Variants in ITGAE observed in about 807,000 individuals in gnomAD.
The protein encoded by ITGAE is integrin subunit alpha E.
ITGAE carries 99 observed loss-of-function variants against 136.5 expected under a neutral mutation model. The ratio of observed to expected loss-of-function variants is 0.73; its 90% CI spans 0.62 to 0.86. ITGAE has a LOEUF of 0.86. Ranked by LOEUF, ITGAE falls within the 40% of genes least tolerant of loss-of-function variation. The pLI is 0.00. For synonymous variants in ITGAE, 613 were observed against 591.8 expected (o/e 1.04, Z -0.52); for missense variants, 1,447 against 1,515.3 (o/e 0.95, Z 0.75).
intron 30 of ITGAE, among the ~76,000 whole-genome samples, chr17:3,715,301 C>T (rs1328898650): frequency 6.6e-6 from 1 of 152,186 alleles, no homozygotes; most frequent in African/African-American, 2.4e-5. Flanking sequence ...AGATCAAGTA[C>T]AGCTTCCTAC....
At chr17:3,745,434 T>G (rs1298939170) in intron 18 of ITGAE, among the ~76,000 whole-genome samples, 2 of 152,118 alleles carry the variant, frequency 1.3e-5, no homozygotes, top group African/African-American at 4.8e-5. Flanking sequence ...CTCCCTCCCC[T>G]GGATTCCAGC....
At chr17:3,761,793 G>A (rs1191012624) in intron 4 of ITGAE, 122 bp downstream of exon 4, 2 of 873,520 alleles carry the variant, frequency 2.3e-6, no homozygotes, top group Non-Finnish European at 3.6e-6. Flanking sequence ...TGGCACCAGG[G>A]AGACGCTAGA....
chr17:3,780,733 C>T (rs1370449912), intron 1 of ITGAE, among the ~76,000 whole-genome samples: 1 of 152,024 alleles, frequency 6.6e-6, no homozygotes, highest in Non-Finnish European at 1.5e-5. Context: ...CAAGATCTCA[C>T]TCTGTTGCCC....
chr17:3,740,469 C>A (rs2976236), intron 19 of ITGAE, among the ~76,000 whole-genome samples: 33,008 of 152,072 alleles, frequency 0.22, 5,991 homozygotes, highest in African/African-American at 0.48. Flanking sequence ...CTCTGCCTCC[C>A]GGATTCAAGC....
At chr17:3,796,845 C>T (rs959197332) in intron 1 of ITGAE, among the ~76,000 whole-genome samples, 2 of 152,072 alleles carry the variant, frequency 1.3e-5, no homozygotes, top group African/African-American at 2.4e-5. Context: ...TTTAGGAAAC[C>T]GAGGCCCATG....
intron 28 of ITGAE, chr17:3,721,914 T>A (rs1365091445): frequency 1.3e-5 from 2 of 151,884 alleles, no homozygotes; most frequent in Admixed American, 1.3e-4. Flanking sequence ...GCGTGGTGGC[T>A]CACGCCTGTA....
intron 21 of ITGAE, among the ~76,000 whole-genome samples, chr17:3,732,955 C>G (rs1481010858): frequency 6.6e-6 from 1 of 152,116 alleles, no homozygotes; most frequent in Non-Finnish European, 1.5e-5. Flanking sequence ...CCTAGTTCCC[C>G]TCTAGATGCC....
intron 1 of ITGAE, among the ~76,000 whole-genome samples, chr17:3,782,003 C>T (rs1232258182): frequency 2.6e-5 from 4 of 151,946 alleles, no homozygotes; most frequent in Admixed American, 1.3e-4. Context: ...GGGCCGGGTG[C>T]GGTGGCTCAT....
chr17:3,768,425 A>G (rs2052348389), intron 2 of ITGAE, among the ~76,000 whole-genome samples: 1 of 152,130 alleles, frequency 6.6e-6, no homozygotes, highest in Non-Finnish European at 1.5e-5. Context: ...AGTGAGTTTC[A>G]GGCATGAGCC....
At chr17:3,744,880 A>T (rs1360631982) in intron 18 of ITGAE, among the ~76,000 whole-genome samples, 1 of 152,226 alleles carries the variant, frequency 6.6e-6, no homozygotes, top group East Asian at 1.9e-4. Flanking sequence ...AAGAGCCTCA[A>T]GCCCATGGGA....
In ITGAE at chr17:3,750,399, G is replaced by C; in HGVS notation, c.1977C>G (p.Gly659=). ...MAGGFDISGD[G]LADITVGTLG... Reference sequence around the variant, plus strand: ...GAGTGCCCACGGTGATGTCGGCAAGGCCGTCGCCACTAATATCAAAGCCAC... The same window carrying C: ...GAGTGCCCACGGTGATGTCGGCAAGCCCGTCGCCACTAATATCAAAGCCAC... Residue 659 remains glycine (G), a synonymous_variant, in exon 16 of 31, where the codon GGC becomes GGG. Transcript: ENST00000263087. 1 of 1,614,190 alleles carries C rather than the reference G, an allele frequency of 6.2e-7. No homozygotes were observed. The highest frequency in any genetic ancestry group is 2.2e-5 in the East Asian group (1 of 44,888).
intron 2 of ITGAE, 121 bp from the exon 3 acceptor site, chr17:3,764,081 A>G: frequency 1.5e-6 from 1 of 666,668 alleles, no homozygotes; most frequent in South Asian, 1.9e-5. Context: ...TGGCCGGCAG[A>G]TTCCTAGCCC....
chr17:3,774,541 G>A (rs7221559), intron 2 of ITGAE, among the ~76,000 whole-genome samples: 122,599 of 152,114 alleles, frequency 0.81, 50,744 homozygotes, highest in African/African-American at 0.95. Flanking sequence ...AAGTGGGCAG[G>A]TCATTTGAGG....
At chr17:3,771,534 CTTTTTT>C (rs71312930) in intron 2 of ITGAE, among the ~76,000 whole-genome samples, 7 of 123,254 alleles carry the variant, frequency 5.7e-5, no homozygotes, top group African/African-American at 1.2e-4. Context: ...GCATTTTTCT[CTTTTTT>C]TTTTTTTTTT....
intron 2 of ITGAE, among the ~76,000 whole-genome samples, chr17:3,771,487 C>G (rs947525004): frequency 9.3e-5 from 14 of 151,338 alleles, no homozygotes; most frequent in African/African-American, 2.9e-4. Context: ...GTGCTTCACT[C>G]TGCGGATGTT....
intron 2 of ITGAE, among the ~76,000 whole-genome samples, chr17:3,772,223 C>T (rs980363140): frequency 2.6e-5 from 4 of 152,162 alleles, no homozygotes; most frequent in Non-Finnish European, 5.9e-5. Context: ...TGCGCCCCCC[C>T]GTACCTCGGA....
chr17:3,753,580 C>A (rs187128648), intron 13 of ITGAE, 150 bp from the exon 14 acceptor site: 2 of 1,138,320 alleles, frequency 1.8e-6, no homozygotes, highest in Non-Finnish European at 2.5e-6. Flanking sequence ...AGTGGAGGAG[C>A]AGCCCAGGCC....
At chr17:3,723,512 C>A (rs184752415) in intron 27 of ITGAE, 129 bp from the exon 28 acceptor site, 20 of 984,328 alleles carry the variant, frequency 2.0e-5, no homozygotes, top group Non-Finnish European at 3.2e-5. Flanking sequence ...GCGCTCACCT[C>A]GGCCCAAGCG....
In ITGAE at chr17:3,759,356, A is replaced by G; in HGVS notation, c.866+46T>C. ...ACTTCCTCCATGAGTGATGCCACAG[A>G]GACTCTGGGCATGGCCAGAATAATT... On this transcript the variant is annotated intron_variant, in intron 8 of 30. Coordinates refer to ENST00000263087, the MANE Select transcript of ITGAE (RefSeq NM_002208.5). 1.9e-6 allele frequency: 3 copies of G among 1,591,378 alleles called. No individual in the cohort carries two copies. In the Admixed American group the frequency reaches 5.0e-5, roughly 27 times the overall value.
Sources: allele counts gnomAD v4.1 joint callset (sites outside exome capture counted in the v4.1 genomes callset), GRCh38; gene constraint gnomAD v4.1.1; transcripts MANE v1.5; gene names NCBI Gene and HGNC (gene_info 2026-07-23, HGNC 2026-07-21).